PRLR: variants seen among roughly 807,000 people sequenced by gnomAD.
PRLR encodes hPRL receptor.
A neutral mutation model predicts 40.2 loss-of-function variants in PRLR; 13 were observed. That is an observed-to-expected ratio of 0.32 (90% CI 0.21 to 0.51). The LOEUF (loss-of-function observed/expected upper bound fraction) is 0.51. PRLR is among the 20% of genes least tolerant of loss of function. PRLR has a pLI of 0.97. For missense variants in PRLR, 656 were observed against 747.3 expected (o/e 0.88, Z 1.42); for synonymous variants, 269 against 278.7 (o/e 0.97, Z 0.35).
At position 35,061,862 on chromosome 5, in the gene PRLR, C is replaced by T. The variant is rs1769058445; in HGVS notation, c.*3227G>A. The T allele has an allele frequency of 6.6e-6, 1 of 152,104 alleles. No homozygotes were observed. The highest frequency in any genetic ancestry group is 2.4e-5 in the African/African-American group (1 of 41,410). 9.4% of individuals were successfully genotyped at this position (152,104 alleles called of 1,614,324 possible). A position where few individuals can be genotyped will look rare whatever the true frequency, so the allele number is the denominator to read the frequency against. ...AGGATGGTGCAAGGAAAAAAATTAA[C>T]AGCCAAATATAAGAAAAGAGATTTG... On this transcript the variant is annotated 3_prime_UTR_variant, in exon 10 of 10. Transcript: ENST00000618457.
At chr5:35,117,957 T>A in intron 2 of PRLR, 104 bp downstream of exon 2, 1 of 530,230 alleles carries the variant, frequency 1.9e-6, no homozygotes, top group Non-Finnish European at 2.4e-6. Flanking sequence ...TGGTTTGAGA[T>A]GATATTCTGT....
chr5:35,192,340 G>A (rs1775630550), intron 1 of PRLR, among the ~76,000 whole-genome samples: 1 of 152,094 alleles, frequency 6.6e-6, no homozygotes, highest in African/African-American at 2.4e-5. Flanking sequence ...ATGAGCTAGT[G>A]CCATCCTCAG....
At chr5:35,126,307 T>C (rs1393299563) in intron 1 of PRLR, among the ~76,000 whole-genome samples, 1 of 152,148 alleles carries the variant, frequency 6.6e-6, no homozygotes, top group African/African-American at 2.4e-5. Flanking sequence ...GGGATCTGGC[T>C]CCCCAGAGCT....
intron 1 of PRLR, among the ~76,000 whole-genome samples, chr5:35,148,661 T>C (rs773836153): frequency 3.9e-5 from 6 of 152,210 alleles, no homozygotes; most frequent in Admixed American, 1.3e-4. Flanking sequence ...GATGAGCACC[T>C]GGTATGAAAT....
chr5:35,105,333 C>A (rs1333238976), intron 2 of PRLR, among the ~76,000 whole-genome samples: 1 of 152,204 alleles, frequency 6.6e-6, no homozygotes, highest in Non-Finnish European at 1.5e-5. Flanking sequence ...CAAAGGAATG[C>A]AGCTCCTCGC....
chr5:35,118,179 T>G, intron 1 of PRLR, 57 bp from the exon 2 acceptor site: 1 of 868,250 alleles, frequency 1.2e-6, no homozygotes, highest in Non-Finnish European at 1.4e-6. Context: ...AGATTCCATT[T>G]CTGGCTCACT....
intron 1 of PRLR, among the ~76,000 whole-genome samples, chr5:35,156,802 A>G (rs570264413): frequency 4.6e-5 from 7 of 152,144 alleles, no homozygotes; most frequent in Non-Finnish European, 8.8e-5. Flanking sequence ...TCTAGACAAC[A>G]TTCTGAGTAC....
intron 8 of PRLR, 72 bp from the exon 9 acceptor site, chr5:35,068,357 T>C: frequency 7.8e-7 from 1 of 1,278,154 alleles, no homozygotes; most frequent in Non-Finnish European, 1.1e-6. Flanking sequence ...GTTAGTATAA[T>C]AGCCACTATA....
Position 35,072,562 on chromosome 5 carries a change from A to G in PRLR, c.543+13T>C, listed in dbSNP as rs918887435. ...AGGCCATAGTTCCTTCAAAAAGCATATGGATCACTCACCTCCCACTCAGCT... is the reference window on the plus strand; with the variant it reads ...AGGCCATAGTTCCTTCAAAAAGCATGTGGATCACTCACCTCCCACTCAGCT... On this transcript the variant is annotated intron_variant, in intron 6 of 9. Coordinates refer to ENST00000618457, the MANE Select transcript of PRLR (RefSeq NM_000949.7). 5 of 1,611,482 alleles carry G rather than the reference A, an allele frequency of 3.1e-6. No homozygotes were observed. In the African/African-American group the frequency reaches 6.7e-5, roughly 22 times the overall value.
chr5:35,132,737 C>T lies in PRLR; in HGVS notation c.-105-14615G>A, dbSNP rs545054872. Among the ~76,000 whole-genome samples, 112 of 152,238 alleles carry T rather than the reference C, an allele frequency of 7.4e-4. 1 individual carries two copies. In the South Asian group the frequency reaches 0.022, roughly 30 times the overall value. Reference sequence around the variant, plus strand: ...CTATTGTTAAATATCATAGGACATTCGTATGCAATGAGGGACTTTGGGGAT... The same window carrying T: ...CTATTGTTAAATATCATAGGACATTTGTATGCAATGAGGGACTTTGGGGAT... On this transcript the variant is annotated intron_variant, in intron 1 of 9. Coordinates refer to ENST00000618457, the MANE Select transcript of PRLR (RefSeq NM_000949.7).
At chr5:35,190,236 G>A (rs144108057) in intron 1 of PRLR, among the ~76,000 whole-genome samples, 1 of 152,164 alleles carries the variant, frequency 6.6e-6, no homozygotes, top group African/African-American at 2.4e-5. Context: ...AAGAGATTAA[G>A]TTCTTCCCCA....
chr5:35,178,670 A>G (rs1173060649), intron 1 of PRLR, among the ~76,000 whole-genome samples: 1 of 152,238 alleles, frequency 6.6e-6, no homozygotes, highest in East Asian at 1.9e-4. Context: ...AGTCTGTTAG[A>G]GAAGATTTCT....
At chr5:35,198,047 AT>A (rs1009653512) in intron 1 of PRLR, among the ~76,000 whole-genome samples, 1 of 152,154 alleles carries the variant, frequency 6.6e-6, no homozygotes, top group Non-Finnish European at 1.5e-5. Context: ...CAGCCCTTCA[AT>A]CTCTTTTACA....
intron 1 of PRLR, among the ~76,000 whole-genome samples, chr5:35,178,908 A>G (rs990191125): frequency 3.3e-5 from 5 of 152,186 alleles, no homozygotes; most frequent in African/African-American, 4.8e-5. Flanking sequence ...AGGATTTCTT[A>G]AAGTGTTTGT....
intron 3 of PRLR, 117 bp from the exon 4 acceptor site, chr5:35,086,457 G>A (rs1359581603): frequency 7.9e-7 from 1 of 1,272,140 alleles, no homozygotes; most frequent in Non-Finnish European, 1.1e-6. Context: ...CTCAGGCTGA[G>A]GAGACCTAGG....
chr5:35,161,898 C>T (rs1003017968), intron 1 of PRLR, among the ~76,000 whole-genome samples: 4 of 152,188 alleles, frequency 2.6e-5, no homozygotes, highest in East Asian at 3.8e-4. Flanking sequence ...AAAACACTGT[C>T]GATCCTAGTT....
At chr5:35,183,022 T>C (rs1270673373) in intron 1 of PRLR, among the ~76,000 whole-genome samples, 1 of 152,206 alleles carries the variant, frequency 6.6e-6, no homozygotes, top group Admixed American at 6.5e-5. Context: ...AGCAACAACC[T>C]GAGACGTTCT....
intron 2 of PRLR, among the ~76,000 whole-genome samples, chr5:35,104,285 C>T (rs1327636591): frequency 6.6e-6 from 1 of 152,172 alleles, no homozygotes; most frequent in African/African-American, 2.4e-5. Flanking sequence ...GGAACAGCTC[C>T]AGTCCACAGC....
At chr5:35,142,667 C>T (rs1425767389) in intron 1 of PRLR, among the ~76,000 whole-genome samples, 1 of 152,206 alleles carries the variant, frequency 6.6e-6, no homozygotes, top group East Asian at 1.9e-4. Flanking sequence ...AACACAAATT[C>T]TAAATTCTTT....
Sources: allele counts gnomAD v4.1 joint callset (sites outside exome capture counted in the v4.1 genomes callset), GRCh38; gene constraint gnomAD v4.1.1; transcripts MANE v1.5; gene names NCBI Gene and HGNC (gene_info 2026-07-23, HGNC 2026-07-21).